RTL4: variants seen among roughly 807,000 people sequenced by gnomAD.
RTL4 encodes the protein retrotransposon Gag like 4, also known as retrotransposon Gag-like protein 4.
RTL4 carries 4 observed loss-of-function variants against 5.3 expected under a neutral mutation model. The observed-to-expected ratio is 0.75, with a 90% confidence interval of 0.37 to 1.72. The LOEUF (loss-of-function observed/expected upper bound fraction) is 1.72, where lower values mean the gene tolerates loss of function less well. Among genes scored for constraint, RTL4 ranks in the 40% most tolerant of loss-of-function variants. RTL4 has a pLI of 0.04. For synonymous variants in RTL4, 98 were observed against 87.3 expected (o/e 1.12, Z -0.68); for missense variants, 260 against 227.1 (o/e 1.14, Z -0.93).
chrX:112,185,376 A>AATACATATAT, the RTL4 span, among the ~76,000 whole-genome samples: 1 of 85,318 alleles, frequency 1.2e-5, no homozygotes, highest in East Asian at 3.7e-4. Flanking sequence ...CTATTTTATT[A>AATACATATAT]ATATATATAT....
chrX:112,288,817 G>A, the RTL4 span, among the ~76,000 whole-genome samples: 1 of 111,497 alleles, frequency 9.0e-6, no homozygotes, highest in Non-Finnish European at 1.9e-5. Context: ...AGCTCTATTA[G>A]AAGTGTGTAT....
chrX:112,089,089 GTTTTTCTTTTTTTTA>G, the RTL4 span, among the ~76,000 whole-genome samples: 3 of 110,181 alleles, frequency 2.7e-5, no homozygotes, highest in African/African-American at 9.9e-5. Context: ...CAATTTATCT[GTTTTTCTTTTTTTTA>G]TTTTTCTTTT....
the RTL4 span, among the ~76,000 whole-genome samples, chrX:112,188,442 C>G: frequency 8.9e-6 from 1 of 111,865 alleles, no homozygotes; most frequent in Non-Finnish European, 1.9e-5. Flanking sequence ...AGTAATGGGT[C>G]TGATAGAAAT....
At chrX:112,123,692 T>G in the RTL4 span, among the ~76,000 whole-genome samples, 5 of 112,093 alleles carry the variant, frequency 4.5e-5, no homozygotes, top group Non-Finnish European at 7.5e-5. Context: ...TTGGTACCAG[T>G]ACCATGCTGT....
chrX:112,326,510 A>G, the RTL4 span, among the ~76,000 whole-genome samples: 1 of 111,945 alleles, frequency 8.9e-6, no homozygotes, highest in Non-Finnish European at 1.9e-5. Flanking sequence ...TCCTACGCCC[A>G]CGGAGTCTTT....
chrX:112,195,146 A>G, the RTL4 span, among the ~76,000 whole-genome samples: 6 of 111,839 alleles, frequency 5.4e-5, no homozygotes, highest in South Asian at 7.5e-4. Flanking sequence ...AAGATGAAGC[A>G]TGTGAACTTT....
At chrX:112,434,523 AG>A in the RTL4 span, among the ~76,000 whole-genome samples, 3 of 111,378 alleles carry the variant, frequency 2.7e-5, no homozygotes, top group Non-Finnish European at 3.8e-5. Flanking sequence ...ATTTGCATAG[AG>A]GTGTTTGTAG....
chrX:112,421,733 T>C, the RTL4 span, among the ~76,000 whole-genome samples: 19,023 of 111,297 alleles, frequency 0.17, 1,418 homozygotes, highest in East Asian at 0.3. Context: ...GTACACAGAG[T>C]TGATGATGTT....
the RTL4 span, among the ~76,000 whole-genome samples, chrX:112,278,310 T>C: frequency 8.9e-6 from 1 of 112,264 alleles, no homozygotes; most frequent in African/African-American, 3.2e-5. Context: ...TTTTTAATTT[T>C]TGAACTTTAT....
At chrX:112,341,844 G>A in the RTL4 span, among the ~76,000 whole-genome samples, 1 of 111,375 alleles carries the variant, frequency 9.0e-6, no homozygotes, top group Non-Finnish European at 1.9e-5. Context: ...AACTTTTGAT[G>A]CAATTCTTGG....
the RTL4 span, among the ~76,000 whole-genome samples, chrX:112,420,258 A>C: frequency 9.0e-6 from 1 of 111,624 alleles, no homozygotes; most frequent in East Asian, 2.8e-4. Context: ...TAGGGTCTGG[A>C]AGTACCAAGG....
chrX:112,340,473 A>C, the RTL4 span, among the ~76,000 whole-genome samples: 2 of 109,895 alleles, frequency 1.8e-5, no homozygotes, highest in Admixed American at 2.0e-4. Flanking sequence ...GCGATTATTA[A>C]GTACCAAAAA....
At chrX:112,215,811 G>A in the RTL4 span, among the ~76,000 whole-genome samples, 1 of 111,734 alleles carries the variant, frequency 8.9e-6, no homozygotes, top group Non-Finnish European at 1.9e-5. Flanking sequence ...TATATCTCCA[G>A]AAGTGATATT....
At chrX:112,326,700 G>A in the RTL4 span, among the ~76,000 whole-genome samples, 1 of 111,925 alleles carries the variant, frequency 8.9e-6, no homozygotes. Context: ...ACCTCTGGGG[G>A]CAGGGCACAG....
the RTL4 span, among the ~76,000 whole-genome samples, chrX:112,384,961 C>G: frequency 9.0e-6 from 1 of 111,292 alleles, no homozygotes; most frequent in Non-Finnish European, 1.9e-5. Context: ...ATTTTATTCT[C>G]TTTATAGCAA....
the RTL4 span, among the ~76,000 whole-genome samples, chrX:112,332,889 TC>T: frequency 2.7e-5 from 3 of 111,687 alleles, no homozygotes; most frequent in African/African-American, 6.5e-5. Context: ...ATTGTTTTTT[TC>T]TTCCTTCAAT....
At chrX:112,209,456 C>T in the RTL4 span, among the ~76,000 whole-genome samples, 3 of 112,205 alleles carry the variant, frequency 2.7e-5, no homozygotes, top group Middle Eastern at 4.6e-3. Flanking sequence ...GGCTGTAGTG[C>T]TGCAGCTGTC....
chrX:112,402,303 AGTATCTTGCAAGCACAT>A, the RTL4 span, among the ~76,000 whole-genome samples: 1 of 110,202 alleles, frequency 9.1e-6, no homozygotes, highest in African/African-American at 3.3e-5. Flanking sequence ...TCCTTCTCTC[AGTATCTTGCAAGCACAT>A]GGTGTTTATC....
chrX:112,452,631 A>G (rs72619746), upstream of RTL4, among the ~76,000 whole-genome samples: 24,827 of 110,495 alleles, frequency 0.22, 2,093 homozygotes, highest in East Asian at 0.36. Flanking sequence ...TCCACCGGGC[A>G]TTTTTCATCT....
Sources: gnomAD v4.1 joint callset for allele counts (sites outside exome capture counted in the v4.1 genomes callset) on GRCh38, gnomAD v4.1.1 for gene constraint, MANE v1.5 for transcripts, NCBI Gene and HGNC (gene_info 2026-07-23, HGNC 2026-07-21) for gene names.